The following INTS6 variants were observed in gnomAD, a reference collection of about 807,000 sequenced individuals.
INTS6 encodes integrator complex subunit 6, also known as DEAD box protein.
Under a neutral mutation model 104.9 loss-of-function variants are expected in INTS6, and 16 were observed. That is an observed-to-expected ratio of 0.15 (90% CI 0.10 to 0.23). The LOEUF is 0.23. Among genes scored for constraint, INTS6 ranks in the 10% least tolerant of loss-of-function variants. The probability of loss-of-function intolerance (pLI) is 1.00; values close to 1 mark genes in which losing one functional copy is unlikely to be tolerated. For synonymous variants in INTS6, 324 were observed against 358.7 expected (o/e 0.90, Z 1.09); for missense variants, 584 against 1,062.8 (o/e 0.55, Z 6.26).
intron 3 of INTS6, chr13:51,437,588 A>G (rs1484065076): frequency 6.6e-6 from 1 of 152,258 alleles, no homozygotes; most frequent in Non-Finnish European, 1.5e-5. Flanking sequence ...TCAGATCAGG[A>G]AAGTTAGCAA....
At chr13:51,447,885 C>G (rs966664952) in intron 3 of INTS6, 1 of 151,996 alleles carries the variant, frequency 6.6e-6, no homozygotes, top group African/African-American at 2.4e-5. Flanking sequence ...ATAGAGAAAC[C>G]CAGTCTCTAC....
intron 3 of INTS6, chr13:51,438,567 T>A (rs1952736642): frequency 6.6e-6 from 1 of 152,194 alleles, no homozygotes; most frequent in South Asian, 2.1e-4. Context: ...TTCACTATAA[T>A]CTCATTTGTG....
At chr13:51,352,943 G>A (rs547743712), downstream of INTS6, among the ~76,000 whole-genome samples, 1 of 152,082 alleles carries the variant, frequency 6.6e-6, no homozygotes, top group South Asian at 2.1e-4. Context: ...TGCATTCCTG[G>A]GATAAATCCC....
intron 3 of INTS6, chr13:51,447,717 A>G (rs1279784559): frequency 6.8e-6 from 1 of 147,458 alleles, no homozygotes; most frequent in Non-Finnish European, 1.5e-5. Flanking sequence ...GCTAATCTTA[A>G]CTAACATAAT....
the INTS6 span, chr13:51,341,329 C>T: frequency 6.2e-7 from 1 of 1,601,548 alleles, no homozygotes; most frequent in Non-Finnish European, 8.5e-7. Flanking sequence ...GGCAGATGCC[C>T]TGGGGTACAC....
rs201151754 is a variant in INTS6 at position 51,376,076 on chromosome 13, A to C, written c.1701T>G (p.Thr567=). 3 of 1,611,248 alleles carry C rather than the reference A, an allele frequency of 1.9e-6. No individual in the cohort carries two copies. The highest frequency in any genetic ancestry group is 2.5e-6 in the Non-Finnish European group (3 of 1,179,340). The change falls in exon 13 of 18, where the codon ACT becomes ACG. Residue 567 remains threonine (T), a synonymous_variant. Transcript: ENST00000311234. The part of the protein sequence containing the change: ...TRMRSNLLKS[T]RRFLKGQDED... Reference sequence around the variant, plus strand: ...CGTCCTGTCCTTTCAGAAATCTGCGAGTGCTCTTCAAAAGATTAGATCTCA... The same window carrying C: ...CGTCCTGTCCTTTCAGAAATCTGCGCGTGCTCTTCAAAAGATTAGATCTCA...
intron 3 of INTS6, chr13:51,355,020 G>C (rs570190494): frequency 2.5e-6 from 3 of 1,208,898 alleles, no homozygotes; most frequent in Non-Finnish European, 3.6e-6. Context: ...TTTGAAAGTT[G>C]ATGGTTTGTT....
Position 51,389,513 on chromosome 13 carries a change from A to G in INTS6, c.614-69T>C, listed in dbSNP as rs1319193126. ...AAACTAGTTAGTTGCAAGAATTCCT[A>G]TCATTAGCAAGAAAAAAACAACTGT... On this transcript the variant is annotated intron_variant, in intron 5 of 17. Transcript: ENST00000311234. The G allele has an allele frequency of 2.1e-6, 3 of 1,409,104 alleles. No homozygotes were observed. The African/African-American group carries it at 4.4e-5, about 21-fold the overall frequency. 87.3% of individuals were successfully genotyped at this position (1,409,104 alleles called of 1,614,324 possible).
chr13:51,364,162 TGTATA>T lies in INTS6; in HGVS notation c.*1585_*1589del. 2 of 647,848 alleles carry T rather than the reference TGTATA, an allele frequency of 3.1e-6. No individual in the cohort carries two copies. Among genetic ancestry groups the T allele is most frequent in the Non-Finnish European group, 5.0e-6 (2 of 400,656 alleles). 40.1% of individuals were successfully genotyped at this position (647,848 alleles called of 1,614,324 possible). A position where few individuals can be genotyped will look rare whatever the true frequency, so the allele number is the denominator to read the frequency against. On this transcript the variant is annotated 3_prime_UTR_variant, in exon 18 of 18. Transcript: ENST00000311234. ...TTATCTTGCATTACTTAAAAGTATT[TGTATA>T]GAAGTAAACAAAGCTTAAAGAACTG...
At chr13:51,430,746 TA>T (rs1232125748) in intron 3 of INTS6, among the ~76,000 whole-genome samples, 2 of 151,958 alleles carry the variant, frequency 1.3e-5, no homozygotes, top group African/African-American at 2.4e-5. Context: ...CAAGTTACAA[TA>T]AAAAAAGAAC....
the INTS6 span, chr13:51,341,380 C>G: frequency 2.6e-6 from 4 of 1,544,982 alleles, no homozygotes; most frequent in Non-Finnish European, 3.5e-6. Flanking sequence ...CACTCACTTA[C>G]CCTCCTGTTC....
downstream of INTS6, chr13:51,353,980 T>C (rs1308596895): frequency 6.6e-6 from 1 of 152,208 alleles, no homozygotes; most frequent in Non-Finnish European, 1.5e-5. Context: ...ATTGGTGTAG[T>C]GATTCTTTGT....
At chr13:51,356,338 T>C (rs1955481192) in intron 3 of INTS6, among the ~76,000 whole-genome samples, 1 of 151,986 alleles carries the variant, frequency 6.6e-6, no homozygotes, top group Non-Finnish European at 1.5e-5. Flanking sequence ...AAAGGAGGAA[T>C]ACTGAAGTGA....
chr13:51,429,495 G>C (rs996115806), intron 4 of INTS6, among the ~76,000 whole-genome samples: 1 of 152,014 alleles, frequency 6.6e-6, no homozygotes, highest in Non-Finnish European at 1.5e-5. Context: ...GCTGGGTGCA[G>C]TGGCTCACAC....
intron 3 of INTS6, among the ~76,000 whole-genome samples, chr13:51,433,254 G>T: frequency 2.0e-5 from 3 of 152,132 alleles, no homozygotes; most frequent in Non-Finnish European, 2.9e-5. Flanking sequence ...GACCAGTCTA[G>T]GAAACACTGT....
At chr13:51,423,486 CT>C (rs566797148) in intron 4 of INTS6, among the ~76,000 whole-genome samples, 6 of 152,052 alleles carry the variant, frequency 3.9e-5, no homozygotes, top group Non-Finnish European at 8.8e-5. Flanking sequence ...TATAAATTAA[CT>C]GCTCTTCTCT....
chr13:51,351,687 T>C (rs1955404625), downstream of INTS6, among the ~76,000 whole-genome samples: 1 of 152,144 alleles, frequency 6.6e-6, no homozygotes, highest in Non-Finnish European at 1.5e-5. Context: ...TTCGATGCCA[T>C]ATTATATTGA....
intron 4 of INTS6, among the ~76,000 whole-genome samples, chr13:51,395,690 T>C (rs1334164494): frequency 1.3e-5 from 2 of 152,226 alleles, no homozygotes; most frequent in Non-Finnish European, 1.5e-5. Context: ...AGATATAGAC[T>C]GAAAAAAATC....
intron 4 of INTS6, among the ~76,000 whole-genome samples, chr13:51,428,492 T>A (rs879913362): frequency 1.3e-5 from 2 of 151,468 alleles, no homozygotes; most frequent in Non-Finnish European, 2.9e-5. Flanking sequence ...GCCCAGCTAA[T>A]TTTTTTGTAT....
Sources: gnomAD v4.1 joint callset for allele counts (sites outside exome capture counted in the v4.1 genomes callset) on GRCh38, gnomAD v4.1.1 for gene constraint, MANE v1.5 for transcripts, NCBI Gene and HGNC (gene_info 2026-07-23, HGNC 2026-07-21) for gene names.